The following UNC5A variants were observed in gnomAD, a reference collection of about 807,000 sequenced individuals.
UNC5A encodes netrin receptor UNC5A.
A neutral mutation model predicts 87.4 loss-of-function variants in UNC5A; 20 were observed. The ratio of observed to expected loss-of-function variants is 0.23; its 90% CI spans 0.16 to 0.33. UNC5A has a LOEUF of 0.33. UNC5A is among the 10% of genes least tolerant of loss of function. UNC5A has a pLI of 1.00. For missense variants in UNC5A, 844 were observed against 1,133.4 expected (o/e 0.74, Z 3.67); for synonymous variants, 438 against 482.3 (o/e 0.91, Z 1.20).
intron 3 of UNC5A, 86 bp downstream of exon 3, chr5:176,868,359 G>C: frequency 1.3e-6 from 2 of 1,581,686 alleles, no homozygotes; most frequent in Non-Finnish European, 8.6e-7. Flanking sequence ...TGGAAGAGGC[G>C]GTCCGGTCAG....
At chr5:176,830,770 G>C (rs1756996146) in intron 1 of UNC5A, among the ~76,000 whole-genome samples, 1 of 147,768 alleles carries the variant, frequency 6.8e-6, no homozygotes, top group African/African-American at 2.5e-5. Context: ...GTGTGTAGGT[G>C]TGTGTGTACT....
intron 1 of UNC5A, among the ~76,000 whole-genome samples, chr5:176,842,660 C>T (rs1214509019): frequency 4.6e-5 from 7 of 152,034 alleles, no homozygotes; most frequent in South Asian, 4.2e-4. Context: ...GCTATGAGGA[C>T]GCAAAGGCAA....
intron 2 of UNC5A, 93 bp downstream of exon 2, chr5:176,862,938 C>A (rs1430601979): frequency 1.4e-6 from 2 of 1,471,034 alleles, no homozygotes; most frequent in East Asian, 4.6e-5. Flanking sequence ...GGATTCCCCA[C>A]CTGGGACCCC....
At chr5:176,854,123 G>C (rs980366076) in intron 1 of UNC5A, among the ~76,000 whole-genome samples, 2 of 152,098 alleles carry the variant, frequency 1.3e-5, no homozygotes, top group African/African-American at 4.8e-5. Flanking sequence ...ATGGCACCCC[G>C]TTGTTACCTC....
At chr5:176,836,167 C>T (rs1232400603) in intron 1 of UNC5A, among the ~76,000 whole-genome samples, 5 of 152,270 alleles carry the variant, frequency 3.3e-5, no homozygotes, top group South Asian at 2.1e-4. Flanking sequence ...ATGATATGGA[C>T]GAAGTCTGGG....
At position 176,879,823 on chromosome 5, in the gene UNC5A, A is replaced by C; in HGVS notation, c.2466A>C (p.Ala822=). Residue 822 remains alanine, a synonymous_variant, in exon 15 of 15, where the codon GCA becomes GCC. Transcript: ENST00000329542. ...FPNGNLSQLA[A]AVAGLGQPDA... ...ACGGCAACCTCAGCCAGCTGGCTGC[A>C]GCAGTGGCTGGACTGGGCCAGCCAG... The C allele has an allele frequency of 4.3e-6, 7 of 1,612,860 alleles. No homozygotes were observed. Among genetic ancestry groups the C allele is most frequent in the Non-Finnish European group, 5.9e-6 (7 of 1,179,868 alleles).
intron 8 of UNC5A, 56 bp from the exon 9 acceptor site, chr5:176,877,136 G>A (rs1388522172): frequency 5.8e-6 from 8 of 1,378,070 alleles, no homozygotes; most frequent in Non-Finnish European, 8.2e-6. Context: ...GCTGTGTGGT[G>A]GGGTGTTGGG....
chr5:176,878,683 A>G (rs925946797), intron 13 of UNC5A, 44 bp downstream of exon 13: 2 of 1,576,354 alleles, frequency 1.3e-6, no homozygotes, highest in Non-Finnish European at 1.7e-6. Flanking sequence ...TGCTCCCACT[A>G]CCAACTCCCC....
Position 176,875,982 on chromosome 5 carries a change from G to A in UNC5A, c.1379-1210G>A, listed in dbSNP as rs909212498. ...TGTCAGCTCTTACAGAGACGCAGGC[G>A]AACAGTGGGGCCCGGCAGCCCTTGC... On this transcript the variant is annotated intron_variant, in intron 8 of 14. Coordinates refer to ENST00000329542, the MANE Select transcript of UNC5A (RefSeq NM_133369.3). This position sits in a 1 kb window ranked among gnomAD's most constrained non-coding sequence, Gnocchi z 5.2. Among the ~76,000 whole-genome samples, 1 of 152,264 alleles carries A rather than the reference G, an allele frequency of 6.6e-6. No homozygotes were observed. Among genetic ancestry groups the A allele is most frequent in the South Asian group, 2.1e-4 (1 of 4,834 alleles).
intron 1 of UNC5A, among the ~76,000 whole-genome samples, chr5:176,860,055 G>C (rs900916240): frequency 2.0e-5 from 3 of 152,208 alleles, no homozygotes; most frequent in African/African-American, 7.2e-5. Context: ...CTGATCGATA[G>C]GGAGGCTGGA....
At chr5:176,825,377 G>A (rs1756827484) in intron 1 of UNC5A, among the ~76,000 whole-genome samples, 1 of 152,164 alleles carries the variant, frequency 6.6e-6, no homozygotes, top group Admixed American at 6.5e-5. Flanking sequence ...GAAGGCTTTG[G>A]CGAAGGACCC....
chr5:176,868,095 C>G, intron 2 of UNC5A, 35 bp from the exon 3 acceptor site: 1 of 1,604,284 alleles, frequency 6.2e-7, no homozygotes, highest in Non-Finnish European at 8.5e-7. Flanking sequence ...CAGGGTGGCC[C>G]TGGGGCTCTG....
chr5:176,846,072 G>T (rs928797989), intron 1 of UNC5A, among the ~76,000 whole-genome samples: 2 of 152,152 alleles, frequency 1.3e-5, no homozygotes, highest in Admixed American at 6.6e-5. Context: ...TGCACAGGGA[G>T]CTGGTCATCT....
chr5:176,870,704 G>A (rs1471750858), intron 6 of UNC5A, 170 bp downstream of exon 6: 8 of 740,730 alleles, frequency 1.1e-5, no homozygotes, highest in African/African-American at 5.4e-5. Flanking sequence ...CATGGGCCCA[G>A]GCGCGCCCCA....
intron 1 of UNC5A, among the ~76,000 whole-genome samples, chr5:176,851,344 A>C (rs1448333686): frequency 6.6e-6 from 1 of 152,228 alleles, no homozygotes; most frequent in Non-Finnish European, 1.5e-5. Context: ...AGCCAAGGGC[A>C]GGCGACTGTG....
In UNC5A at chr5:176,840,793, C is replaced by G. The variant is rs184223231; in HGVS notation, c.71-21831C>G. The stretch of plus-strand genomic sequence containing the variant: ...TCATTCTGCAGTGGGACAAACGGGA[C>G]CAGACGACAGGGAGACCTGCCCCCA... On this transcript the variant is annotated intron_variant, in intron 1 of 14. Coordinates refer to ENST00000329542, the MANE Select transcript of UNC5A (RefSeq NM_133369.3). Among the ~76,000 whole-genome samples the G allele has an allele frequency of 2.0e-3, 301 of 152,376 alleles. 2 individuals are homozygous for G. Among genetic ancestry groups the G allele is most frequent in the Admixed American group, 0.013 (202 of 15,304 alleles).
At chr5:176,814,832 C>T (rs545002651) in intron 1 of UNC5A, among the ~76,000 whole-genome samples, 1 of 152,216 alleles carries the variant, frequency 6.6e-6, no homozygotes, top group Non-Finnish European at 1.5e-5. Context: ...AGTTTGGGCT[C>T]TCTTTGCAGG....
Position 176,877,974 on chromosome 5 carries a change from C to G in UNC5A, c.1716C>G (p.Thr572=), listed in dbSNP as rs375613382. The G allele has an allele frequency of 6.2e-7, 1 of 1,605,118 alleles. No individual in the cohort carries two copies. Among genetic ancestry groups the G allele is most frequent in the African/African-American group, 1.3e-5 (1 of 75,048 alleles). ...QLEASACYVF[T]EQLGRFALVG... ...AGGCCAGTGCCTGCTACGTCTTCAC[C>G]GAGCAGCTGGGCCGCTTTGCCCTGG... The change falls in exon 11 of 15, where the codon ACC becomes ACG. Residue 572 remains threonine, a synonymous_variant. Coordinates refer to ENST00000329542, the MANE Select transcript of UNC5A (RefSeq NM_133369.3).
In UNC5A at chr5:176,870,364, A is replaced by T; in HGVS notation, c.722-6A>T. The stretch of plus-strand genomic sequence containing the variant: ...ACCGTCTCCTCTCTGCTTGTCTCTC[A>T]TCTAGTGGACGGCAGCTGGAGCCCG... On this transcript the variant is annotated splice_region_variant and splice_polypyrimidine_tract_variant and intron_variant, in intron 5 of 14. Coordinates refer to ENST00000329542, the MANE Select transcript of UNC5A (RefSeq NM_133369.3). 1 of 1,608,898 alleles carries T rather than the reference A, an allele frequency of 6.2e-7. No homozygotes were observed. The highest frequency in any genetic ancestry group is 8.5e-7 in the Non-Finnish European group (1 of 1,178,964).
Sources: gnomAD v4.1 joint callset for allele counts (sites outside exome capture counted in the v4.1 genomes callset) on GRCh38, gnomAD v4.1.1 for gene constraint, Gnocchi (gnomAD v3.1) non-coding constraint, MANE v1.5 for transcripts, NCBI Gene and HGNC (gene_info 2026-07-23, HGNC 2026-07-21) for gene names.